The following PRKG1 variants were observed in gnomAD, a reference collection of about 807,000 sequenced individuals.
PRKG1 encodes the protein protein kinase cGMP-dependent 1.
Under a neutral mutation model 88.1 loss-of-function variants are expected in PRKG1, and 35 were observed. The observed-to-expected ratio is 0.40, with a 90% CI of 0.30 to 0.53. The LOEUF (loss-of-function observed/expected upper bound fraction) is 0.53. Among genes scored for constraint, PRKG1 ranks in the 20% least tolerant of loss-of-function variants. PRKG1 has a pLI of 0.59. For synonymous variants in PRKG1, 303 were observed against 292.5 expected (o/e 1.04, Z -0.37); for missense variants, 540 against 839.8 (o/e 0.64, Z 4.41).
chr10:51,752,844 A>G (rs1308819355), intron 3 of PRKG1, among the ~76,000 whole-genome samples: 2 of 152,164 alleles, frequency 1.3e-5, no homozygotes, highest in Non-Finnish European at 2.9e-5. Flanking sequence ...TAAAATATGT[A>G]TTCATATATG....
chr10:52,243,131 G>C (rs2132382498), intron 9 of PRKG1, among the ~76,000 whole-genome samples: 1 of 151,886 alleles, frequency 6.6e-6, no homozygotes, highest in South Asian at 2.1e-4. Flanking sequence ...TTCATTTTTG[G>C]CCTTTAATTT....
rs1019342456 is a variant in PRKG1 at position 51,606,726 on chromosome 10, G to A, written c.592+138890G>A. On this transcript the variant is annotated intron_variant, in intron 3 of 17. Coordinates refer to ENST00000373980, the MANE Select transcript of PRKG1 (RefSeq NM_006258.4). Reference sequence around the variant, plus strand: ...GAGATGTTTTATTTTGGTAAAGCGCGTCTTCTATCATCATTTCTTAAATGA... The same window carrying A: ...GAGATGTTTTATTTTGGTAAAGCGCATCTTCTATCATCATTTCTTAAATGA... Among the ~76,000 whole-genome samples, 24 of 152,232 alleles carry A rather than the reference G, an allele frequency of 1.6e-4. No homozygotes were observed. In the South Asian group the frequency reaches 2.3e-3, roughly 14 times the overall value.
chr10:51,008,579 T>C lies in PRKG1; in HGVS notation c.266+16935T>C, dbSNP rs76903626. 3.4e-3 allele frequency among the ~76,000 whole-genome samples: 512 copies of C among 152,318 alleles called. 1 individual carries two copies. The highest frequency in any genetic ancestry group is 0.012 in the African/African-American group (495 of 41,570). ...CCTTCATTTTCACATGGTTGTCTTT[T>C]CTCTGTGAGTATGTGTGTCTAAATT... is the stretch of plus-strand genomic sequence containing the variant. On this transcript the variant is annotated intron_variant, in intron 1 of 17. Transcript: ENST00000401604.
At chr10:52,084,421 T>A (rs1035951649) in intron 7 of PRKG1, among the ~76,000 whole-genome samples, 1 of 152,060 alleles carries the variant, frequency 6.6e-6, no homozygotes, top group Non-Finnish European at 1.5e-5. Flanking sequence ...ATTGCCATGT[T>A]TTTCACAAAT....
chr10:51,530,700 T>C (rs1841996466), intron 3 of PRKG1, among the ~76,000 whole-genome samples: 1 of 152,180 alleles, frequency 6.6e-6, no homozygotes, highest in Non-Finnish European at 1.5e-5. Flanking sequence ...ACACAAACTT[T>C]TCCATCTCCA....
At chr10:52,240,484 A>G (rs1364092207) in intron 9 of PRKG1, among the ~76,000 whole-genome samples, 2 of 152,168 alleles carry the variant, frequency 1.3e-5, no homozygotes, top group African/African-American at 2.4e-5. Flanking sequence ...AAAAGTATGG[A>G]GTTTAGTTTC....
At chr10:51,055,085 A>G (rs562550975) in intron 1 of PRKG1, among the ~76,000 whole-genome samples, 3 of 152,134 alleles carry the variant, frequency 2.0e-5, no homozygotes, top group Non-Finnish European at 4.4e-5. Flanking sequence ...TATAATACAC[A>G]CACTTCCCAA....
At chr10:51,372,675 T>A (rs1310995562) in intron 2 of PRKG1, among the ~76,000 whole-genome samples, 1 of 152,190 alleles carries the variant, frequency 6.6e-6, no homozygotes, top group Admixed American at 6.5e-5. Context: ...TTTTAAAACA[T>A]TACAAATGGA....
chr10:51,097,084 G>A (rs189040303), intron 1 of PRKG1, among the ~76,000 whole-genome samples: 23 of 152,264 alleles, frequency 1.5e-4, no homozygotes, highest in Admixed American at 4.6e-4. Context: ...CTAGCAGTCT[G>A]TTCCCTGGTA....
chr10:51,347,296 G>T (rs1842134628), intron 2 of PRKG1, among the ~76,000 whole-genome samples: 1 of 152,160 alleles, frequency 6.6e-6, no homozygotes, highest in Admixed American at 6.5e-5. Context: ...GAATATTGAA[G>T]AAGAGTGAAT....
intron 3 of PRKG1, among the ~76,000 whole-genome samples, chr10:51,683,166 GT>G (rs1212647483): frequency 2.0e-5 from 3 of 152,068 alleles, no homozygotes; most frequent in African/African-American, 7.2e-5. Flanking sequence ...GCTGAAAATA[GT>G]TAGCCATCAA....
At chr10:51,999,085 C>T (rs1844527345) in intron 5 of PRKG1, among the ~76,000 whole-genome samples, 1 of 152,188 alleles carries the variant, frequency 6.6e-6, no homozygotes, top group Non-Finnish European at 1.5e-5. Flanking sequence ...TTCTCTAGAA[C>T]TTTAAACAGA....
chr10:51,657,403 A>G (rs1324034900), intron 3 of PRKG1, among the ~76,000 whole-genome samples: 1 of 152,086 alleles, frequency 6.6e-6, no homozygotes, highest in African/African-American at 2.4e-5. Flanking sequence ...ATTTGGGGTC[A>G]TGGAATAACT....
chr10:51,730,420 G>C (rs796962435), intron 3 of PRKG1, among the ~76,000 whole-genome samples: 7 of 152,300 alleles, frequency 4.6e-5, no homozygotes, highest in African/African-American at 1.7e-4. Context: ...TAGAAATAAC[G>C]CATTTTAGAC....
chr10:51,847,627 A>G (rs1840433576), intron 4 of PRKG1, among the ~76,000 whole-genome samples: 1 of 151,296 alleles, frequency 6.6e-6, no homozygotes, highest in African/African-American at 2.4e-5. Context: ...TAGATTGGCT[A>G]AATTTAGTGA....
At chr10:51,104,214 G>A (rs190542751) in intron 1 of PRKG1, among the ~76,000 whole-genome samples, 1 of 152,186 alleles carries the variant, frequency 6.6e-6, no homozygotes, top group Admixed American at 6.5e-5. Context: ...TCAGATATAG[G>A]AGACAGAAAA....
intron 1 of PRKG1, among the ~76,000 whole-genome samples, chr10:51,150,167 A>G (rs1289323804): frequency 6.6e-6 from 1 of 152,132 alleles, no homozygotes; most frequent in East Asian, 1.9e-4. Context: ...AAATATTGTT[A>G]AAATATATAC....
At chr10:51,055,549 C>T (rs1221370935) in intron 1 of PRKG1, among the ~76,000 whole-genome samples, 15 of 151,054 alleles carry the variant, frequency 9.9e-5, no homozygotes, top group Admixed American at 2.6e-4. Context: ...CTGGTGAACA[C>T]GGTGAAACCC....
chr10:52,115,335 T>C (rs941797636), intron 7 of PRKG1, among the ~76,000 whole-genome samples: 4 of 152,178 alleles, frequency 2.6e-5, no homozygotes, highest in African/African-American at 7.2e-5. Flanking sequence ...GACATTTGTG[T>C]AGTCGATATA....
Sources: allele counts gnomAD v4.1 joint callset (sites outside exome capture counted in the v4.1 genomes callset), GRCh38; gene constraint gnomAD v4.1.1; transcripts MANE v1.5; gene names NCBI Gene and HGNC (gene_info 2026-07-23, HGNC 2026-07-21).